Variants in KIAA1586 observed in about 807,000 individuals in gnomAD.
The protein encoded by KIAA1586 is KIAA1586.
KIAA1586 carries 5 observed loss-of-function variants against 6.1 expected under a neutral mutation model. The ratio of observed to expected loss-of-function variants is 0.82; its 90% CI spans 0.43 to 1.73. The LOEUF is 1.73. Ranked by LOEUF, KIAA1586 falls within the 40% of genes most tolerant of loss-of-function variation. The pLI is 0.02. For missense variants in KIAA1586, 899 were observed against 878.2 expected, an observed-to-expected ratio of 1.02 and a Z score of -0.30; for synonymous variants, 280 against 301.7, an observed-to-expected ratio of 0.93 and a Z score of 0.75.
Position 57,054,508 on chromosome 6 carries a change from A to G in KIAA1586, c.2009A>G (p.Asp670Gly), listed in dbSNP as rs775002537. The G allele has an allele frequency of 1.9e-6, 3 of 1,593,714 alleles. No individual in the cohort carries two copies. In the South Asian group the frequency reaches 3.4e-5, roughly 18 times the overall value. ...TTAAAATATGAAGTTGATTTGAATG[A>G]TTTTCGGGAATTTGTAAATAATAAT... Reference protein sequence around the residue: ...KILKYEVDLNDFREFVNNNIK... With the variant: ...KILKYEVDLNGFREFVNNNIK... The change falls in exon 4 of 4, where the codon GAT (aspartate) becomes GGT (glycine). Residue 670 changes from aspartate to glycine, a missense_variant. Coordinates refer to ENST00000370733, the MANE Select transcript of KIAA1586 (RefSeq NM_020931.4).
At chr6:57,051,884 G>A (rs1436806204) in intron 3 of KIAA1586, among the ~76,000 whole-genome samples, 2 of 152,162 alleles carry the variant, frequency 1.3e-5, no homozygotes, top group Non-Finnish European at 2.9e-5. Flanking sequence ...GGAGACATGA[G>A]AATTGCTTGA....
At chr6:57,052,597 T>C in intron 3 of KIAA1586, 89 bp from the exon 4 acceptor site, 5 of 1,007,960 alleles carry the variant, frequency 5.0e-6, no homozygotes, top group Non-Finnish European at 6.8e-6. Flanking sequence ...AAAATGTATT[T>C]CCAAAATTAG....
chr6:57,046,699 G>A lies in KIAA1586; in HGVS notation c.-57G>A. 2.5e-6 allele frequency: 4 copies of A among 1,606,776 alleles called. No individual in the cohort carries two copies. Among genetic ancestry groups the A allele is most frequent in the East Asian group, 2.2e-5 (1 of 44,542 alleles). On this transcript the variant is annotated 5_prime_UTR_variant, in exon 1 of 4. Transcript: ENST00000370733. ...GCAGGGCGGGAAGGGGAGTGGTGGC[G>A]GCTGCGGCAGTAGGGACAGCAGGAG... is the stretch of plus-strand genomic sequence containing the variant.
At chr6:57,052,572 TA>T (rs1187298857) in intron 3 of KIAA1586, 113 bp from the exon 4 acceptor site, 1 of 753,320 alleles carries the variant, frequency 1.3e-6, no homozygotes, top group African/African-American at 1.8e-5. Flanking sequence ...AAAATCAGGT[TA>T]AATATTTAAG....
At chr6:57,065,731 A>G in the KIAA1586 span, among the ~76,000 whole-genome samples, 1 of 152,116 alleles carries the variant, frequency 6.6e-6, no homozygotes, top group Non-Finnish European at 1.5e-5. Flanking sequence ...CATTGTGCTA[A>G]GTACACAATG....
At position 57,054,312 on chromosome 6, in the gene KIAA1586, A is replaced by C. The variant is rs775369287; in HGVS notation, c.1813A>C (p.Ile605Leu). Residue 605 changes from isoleucine (I) to leucine (L), a missense_variant, in exon 4 of 4, where the codon ATA (isoleucine) becomes CTA (leucine). Ile to Leu is a conservative substitution (Grantham distance 5). Transcript: ENST00000370733. ...NNKFNALPRS[I>L]LLDNIIQHMN... ...TAAATTTAATGCTCTTCCTAGGAGT[A>C]TATTACTAGACAATATAATTCAGCA... is the stretch of plus-strand genomic sequence containing the variant. 3 of 1,586,350 alleles carry C rather than the reference A, an allele frequency of 1.9e-6. No individual in the cohort carries two copies. The highest frequency in any genetic ancestry group is 2.6e-6 in the Non-Finnish European group (3 of 1,169,428).
rs200709297 is a variant in KIAA1586, at chr6:57,050,808, A to T, written c.140A>T (p.Asp47Val). 2 of 1,613,454 alleles carry T rather than the reference A, an allele frequency of 1.2e-6. No homozygotes were observed. Among genetic ancestry groups the T allele is most frequent in the Non-Finnish European group, 1.7e-6 (2 of 1,179,638 alleles). The part of the protein sequence containing the change: ...GPSRPVLEYI[D>V]LVCGDDENPS... ...TCGAGACCTGTTCTTGAATACATCG[A>T]TCTGGTCTGTGGTGATGATGAAAAC... The change falls in exon 3 of 4, where the codon GAT becomes GTT. Residue 47 changes from aspartate to valine, a missense_variant. Asp to Val is a radical substitution (Grantham distance 152). Coordinates refer to ENST00000370733, the MANE Select transcript of KIAA1586 (RefSeq NM_020931.4).
Position 57,054,133 on chromosome 6 carries a change from C to T in KIAA1586, c.1634C>T (p.Ser545Leu). The change falls in exon 4 of 4, where the codon TCA becomes TTA. Residue 545 changes from serine (S) to leucine (L), a missense_variant. By Grantham distance (145) the Ser-to-Leu change is moderately radical (BLOSUM62 -2). Transcript: ENST00000370733. ...TCAGTACTTTCAACTGCATTACAGT[C>T]AAGATCAACTAATATTAAGAAAGCA... ...EFSVLSTALQ[S>L]RSTNIKKAQK... The T allele has an allele frequency of 1.3e-6, 2 of 1,598,484 alleles. 1 individual carries two copies. Among genetic ancestry groups the T allele is most frequent in the Middle Eastern group, 3.4e-4 (2 of 5,958 alleles).
At position 57,054,877 on chromosome 6, in the gene KIAA1586, T is replaced by C. The variant is rs1828467806; in HGVS notation, c.*14T>C. 2.0e-6 allele frequency: 3 copies of C among 1,524,430 alleles called. No homozygotes were observed. Among genetic ancestry groups the C allele is most frequent in the Non-Finnish European group, 2.6e-6 (3 of 1,133,250 alleles). 94.4% of individuals were successfully genotyped at this position (1,524,430 alleles called of 1,614,324 possible). On this transcript the variant is annotated 3_prime_UTR_variant, in exon 4 of 4. Coordinates refer to ENST00000370733, the MANE Select transcript of KIAA1586 (RefSeq NM_020931.4). ...AACTTAAAATAGAATATTGTATACG[T>C]TTTTTGTCATCTGTAAATTATGTAC...
the KIAA1586 span, among the ~76,000 whole-genome samples, chr6:57,066,735 T>C: frequency 6.6e-6 from 1 of 152,226 alleles, no homozygotes; most frequent in Non-Finnish European, 1.5e-5. Context: ...TGAGTAGATA[T>C]GTGGAGATGT....
At chr6:57,051,732 G>A (rs1306149865) in intron 3 of KIAA1586, among the ~76,000 whole-genome samples, 5 of 152,110 alleles carry the variant, frequency 3.3e-5, no homozygotes, top group South Asian at 2.1e-4. Flanking sequence ...TCAGGAGTTC[G>A]AGACCAGCCT....
rs776638845 is a variant in KIAA1586, at chr6:57,050,785, G to T, written c.117G>T (p.Ser39=). ...CACTTCCTTTTTAGGAAGGACCATC[G>T]AGACCTGTTCTTGAATACATCGATC... is the stretch of plus-strand genomic sequence containing the variant. The part of the protein sequence containing the change: ...DDIQFVSEGP[S]RPVLEYIDLV... The change falls in exon 3 of 4, where the codon TCG becomes TCT. Residue 39 remains serine (S), a synonymous_variant. Coordinates refer to ENST00000370733, the MANE Select transcript of KIAA1586 (RefSeq NM_020931.4). 1.9e-6 allele frequency: 3 copies of T among 1,612,338 alleles called. No individual in the cohort carries two copies. The highest frequency in any genetic ancestry group is 1.7e-6 in the Non-Finnish European group (2 of 1,178,714).
rs774648139 is a variant in KIAA1586 at position 57,054,125 on chromosome 6, A to G, written c.1626A>G (p.Ala542=). 3.1e-6 allele frequency: 5 copies of G among 1,603,822 alleles called. No homozygotes were observed. The highest frequency in any genetic ancestry group is 1.3e-5 in the African/African-American group (1 of 74,308). The change falls in exon 4 of 4, where the codon GCA becomes GCG. Residue 542 remains alanine, a synonymous_variant. Transcript: ENST00000370733. ...AAGAATTTTCAGTACTTTCAACTGC[A>G]TTACAGTCAAGATCAACTAATATTA... The part of the protein sequence containing the change: ...ILEEFSVLST[A]LQSRSTNIKK...
chr6:57,050,751 A>T, intron 2 of KIAA1586, 23 bp from the exon 3 acceptor site: 1 of 1,540,618 alleles, frequency 6.5e-7, no homozygotes, highest in Middle Eastern at 1.7e-4. Context: ...CATGACTTGT[A>T]AATTTGCCCA....
At chr6:57,062,391 T>C in the KIAA1586 span, among the ~76,000 whole-genome samples, 4 of 152,374 alleles carry the variant, frequency 2.6e-5, no homozygotes, top group Admixed American at 1.3e-4. Context: ...TAGGTTTCTT[T>C]CCAATTCTCA....
chr6:57,062,858 C>G, the KIAA1586 span, among the ~76,000 whole-genome samples: 4 of 152,112 alleles, frequency 2.6e-5, no homozygotes, highest in African/African-American at 9.7e-5. Context: ...TGAGACCAGC[C>G]TGGGCAACAT....
the KIAA1586 span, among the ~76,000 whole-genome samples, chr6:57,063,139 C>G: frequency 6.6e-6 from 1 of 152,074 alleles, no homozygotes; most frequent in Non-Finnish European, 1.5e-5. Flanking sequence ...GGTACCCCTT[C>G]AATTAAGTTT....
chr6:57,057,881 T>C (rs1431177567), downstream of KIAA1586, among the ~76,000 whole-genome samples: 1 of 152,154 alleles, frequency 6.6e-6, no homozygotes, highest in Non-Finnish European at 1.5e-5. Context: ...CTGCAACCTC[T>C]GTTTCTAGGC....
downstream of KIAA1586, among the ~76,000 whole-genome samples, chr6:57,056,141 T>C (rs6929783): frequency 0.26 from 39,128 of 151,512 alleles, 5,418 homozygotes; most frequent in African/African-American, 0.34. Flanking sequence ...CTCCACTTCC[T>C]GGGTTCAAGT....
Sources: gnomAD v4.1 joint callset for allele counts (sites outside exome capture counted in the v4.1 genomes callset) on GRCh38, gnomAD v4.1.1 for gene constraint, MANE v1.5 for transcripts, NCBI Gene and HGNC (gene_info 2026-07-23, HGNC 2026-07-21) for gene names.